The following PPP2R5C variants were observed in gnomAD, a reference collection of about 807,000 sequenced individuals.
The protein encoded by PPP2R5C is protein phosphatase 2 regulatory subunit B'gamma.
In PPP2R5C, 7 loss-of-function variants were observed where a neutral mutation model predicts 68.9. That is an observed-to-expected ratio of 0.10 (90% CI 0.06 to 0.19). PPP2R5C has a LOEUF of 0.19. PPP2R5C is among the 10% of genes least tolerant of loss of function. The probability of loss-of-function intolerance (pLI) is 1.00; values close to 1 mark genes in which losing one functional copy is unlikely to be tolerated. For synonymous variants in PPP2R5C, 210 were observed against 222.2 expected, an observed-to-expected ratio of 0.95 and a Z score of 0.49; for missense variants, 348 against 641.3, an observed-to-expected ratio of 0.54 and a Z score of 4.94.
rs1287791945 is a variant in PPP2R5C, at chr14:101,912,482, AAAG to A, written c.1326+11_1326+13del. The A allele has an allele frequency of 6.2e-7, 1 of 1,600,282 alleles. No homozygotes were observed. The highest frequency in any genetic ancestry group is 1.1e-5 in the South Asian group (1 of 88,264). On this transcript the variant is annotated intron_variant, in intron 12 of 13. Transcript: ENST00000334743. ...CCAAAGCCAATCCCCAGGTACTAAA[AAAG>A]AGAATAACATGAAAACGCCCAGGGT...
chr14:101,882,485 TGTGA>T lies in PPP2R5C; in HGVS notation c.405+217_405+220del, dbSNP rs1162187275. The T allele has an allele frequency of 4.6e-6, 2 of 434,160 alleles. No individual in the cohort carries two copies. The highest frequency in any genetic ancestry group is 8.2e-6 in the Non-Finnish European group (2 of 243,100). 26.9% of individuals were successfully genotyped at this position (434,160 alleles called of 1,614,324 possible). A position where few individuals can be genotyped will look rare whatever the true frequency, so the allele number is the denominator to read the frequency against. On this transcript the variant is annotated intron_variant, in intron 3 of 13. Transcript: ENST00000334743. This position sits in a 1 kb window ranked among gnomAD's most constrained non-coding sequence, Gnocchi z 4.9. ...ACAACAGCCAGTGAAGATGTGTAAT[TGTGA>T]GTATGTTCTCAGTGAAGATGGCCGC...
intron 3 of PPP2R5C, among the ~76,000 whole-genome samples, chr14:101,791,770 TTAGTA>T (rs2038374289): frequency 6.6e-6 from 1 of 152,176 alleles, no homozygotes. Flanking sequence ...GTATACAAGT[TTAGTA>T]TAGTATACTA....
intron 10 of PPP2R5C, among the ~76,000 whole-genome samples, chr14:101,907,444 G>A (rs1007762408): frequency 8.5e-5 from 13 of 152,048 alleles, no homozygotes; most frequent in African/African-American, 2.4e-4. Context: ...GTGCTGGGAC[G>A]ACGTGAGCCA....
chr14:101,913,119 G>A lies in PPP2R5C; in HGVS notation c.1326+646G>A, dbSNP rs748555110. Among the ~76,000 whole-genome samples, 7 of 152,236 alleles carry A rather than the reference G, an allele frequency of 4.6e-5. No individual in the cohort carries two copies. The highest frequency in any genetic ancestry group is 7.3e-5 in the Non-Finnish European group (5 of 68,048). ...TGGTGTCATGGTCTTTGGGTTTGAT[G>A]TACGCTGCTGTAAATGACTAGAGCG... On this transcript the variant is annotated intron_variant, in intron 12 of 13. Coordinates refer to ENST00000334743, the Ensembl canonical transcript of PPP2R5C. This position sits in a 1 kb window ranked among gnomAD's most constrained non-coding sequence, Gnocchi z 4.1.
At chr14:101,804,741 C>T (rs1056495365) in intron 3 of PPP2R5C, among the ~76,000 whole-genome samples, 9 of 150,522 alleles carry the variant, frequency 6.0e-5, no homozygotes, top group Non-Finnish European at 1.2e-4. Context: ...TGGGGGTTGG[C>T]GGGGGGGATG....
chr14:101,877,692 G>A lies in PPP2R5C; in HGVS notation c.295-4469G>A, dbSNP rs751434170. Among the ~76,000 whole-genome samples the A allele has an allele frequency of 2.6e-5, 4 of 152,174 alleles. No homozygotes were observed. Among genetic ancestry groups the A allele is most frequent in the East Asian group, 3.8e-4 (2 of 5,198 alleles). On this transcript the variant is annotated intron_variant, in intron 2 of 13. Coordinates refer to ENST00000334743, the Ensembl canonical transcript of PPP2R5C. The surrounding 1 kb of genome is among the most constrained non-coding windows in gnomAD (Gnocchi z 4.2). ...GTCAGAAACCCAAGAAGAATTTGAG[G>A]TGATAGACCGTTGGCCCTCTGTTCC... is the stretch of plus-strand genomic sequence containing the variant.
rs1316521313 is a variant in PPP2R5C at position 101,825,244 on chromosome 14, GTGTGTT to G, written c.94+15209_94+15214del. ...TGTGTGTGTGTGTGTGTGTGTGTGT[GTGTGTT>G]GATGAATTTATTACTTATTAAAAAA... On this transcript the variant is annotated intron_variant, in intron 1 of 13. Transcript: ENST00000334743. The surrounding 1 kb of genome is among the most constrained non-coding windows in gnomAD (Gnocchi z 4.0). Among the ~76,000 whole-genome samples the G allele has an allele frequency of 1.3e-5, 2 of 151,194 alleles. No individual in the cohort carries two copies. Among genetic ancestry groups the G allele is most frequent in the East Asian group, 1.9e-4 (1 of 5,132 alleles).
chr14:101,919,994 C>CAAAAAAAAAAAAAAAAA (rs2046928361), intron 13 of PPP2R5C, among the ~76,000 whole-genome samples: 4 of 111,284 alleles, frequency 3.6e-5, no homozygotes, highest in African/African-American at 2.0e-4. Flanking sequence ...AAAAAAAAAC[C>CAAAAAAAAAAAAAAAAA]AATTCTTACA....
intron 1 of PPP2R5C, among the ~76,000 whole-genome samples, chr14:101,837,058 T>C (rs1406400118): frequency 6.6e-6 from 1 of 152,220 alleles, no homozygotes; most frequent in Admixed American, 6.5e-5. Flanking sequence ...ACATAAGTTG[T>C]TATTACTGTG....
At chr14:101,864,386 T>C (rs564033923) in intron 2 of PPP2R5C, among the ~76,000 whole-genome samples, 4 of 152,052 alleles carry the variant, frequency 2.6e-5, no homozygotes, top group Non-Finnish European at 5.9e-5. Context: ...GAAATGTGTA[T>C]TGCAGACACC....
intron 1 of PPP2R5C, among the ~76,000 whole-genome samples, chr14:101,837,166 G>A (rs1482801611): frequency 6.6e-6 from 1 of 152,104 alleles, no homozygotes; most frequent in Non-Finnish European, 1.5e-5. Context: ...TTTTTGAGAC[G>A]GAGTTTCACT....
At chr14:101,816,879 TA>T (rs2039713984) in intron 1 of PPP2R5C, among the ~76,000 whole-genome samples, 1 of 136,356 alleles carries the variant, frequency 7.3e-6, no homozygotes, top group Non-Finnish European at 1.5e-5. Flanking sequence ...TTTATATATA[TA>T]TTATATATAT....
rs1293438197 is a variant in PPP2R5C at position 101,797,685 on chromosome 14, C to A, written c.259+11502C>A. The A allele has an allele frequency of 6.1e-5, 11 of 179,672 alleles. No homozygotes were observed. Among genetic ancestry groups the A allele is most frequent in the Non-Finnish European group, 1.2e-4 (10 of 84,634 alleles). 11.1% of individuals were successfully genotyped at this position (179,672 alleles called of 1,614,324 possible). Reference sequence around the variant, plus strand: ...CAAGTTGGCAAGTTAAAAAAAAAAACAATCAGCATGAAAGCACTCCGATGT... The same window carrying A: ...CAAGTTGGCAAGTTAAAAAAAAAAAAAATCAGCATGAAAGCACTCCGATGT... On this transcript the variant is annotated intron_variant, in intron 3 of 14. Transcript: ENST00000328724. The surrounding 1 kb of genome is among the most constrained non-coding windows in gnomAD (Gnocchi z 4.2).
intron 2 of PPP2R5C, among the ~76,000 whole-genome samples, chr14:101,764,413 C>T (rs1055649673): frequency 3.9e-5 from 6 of 152,214 alleles, no homozygotes; most frequent in African/African-American, 1.2e-4. Context: ...AGACTTCTTC[C>T]TGTAAGCCAA....
chr14:101,895,251 A>G (rs1321565844), intron 8 of PPP2R5C, among the ~76,000 whole-genome samples: 2 of 152,160 alleles, frequency 1.3e-5, no homozygotes, highest in Non-Finnish European at 2.9e-5. Flanking sequence ...CACACAATTC[A>G]CCCATTTAAA....
chr14:101,805,832 T>C (rs2039052922), upstream of PPP2R5C, among the ~76,000 whole-genome samples: 2 of 152,240 alleles, frequency 1.3e-5, no homozygotes, highest in Non-Finnish European at 2.9e-5. Context: ...GATCTCCTTA[T>C]GTGAAGTACC....
intron 12 of PPP2R5C, chr14:101,914,052 A>G (rs139484750): frequency 2.6e-5 from 11 of 417,450 alleles, no homozygotes; most frequent in Middle Eastern, 3.7e-4. Context: ...TACGTAACCA[A>G]TGTTTCTTCT....
chr14:101,867,955 G>A (rs923243924), intron 2 of PPP2R5C, among the ~76,000 whole-genome samples: 21 of 152,188 alleles, frequency 1.4e-4, no homozygotes, highest in Non-Finnish European at 2.6e-4. Context: ...GGGCATGAGA[G>A]TGTTCTTAGG....
intron 13 of PPP2R5C, chr14:101,921,208 C>A: frequency 4.0e-6 from 1 of 249,452 alleles, no homozygotes; most frequent in Non-Finnish European, 8.3e-6. Context: ...GCAGTGACTA[C>A]CGGCACCACC....
Sources: gnomAD v4.1 joint callset for allele counts (sites outside exome capture counted in the v4.1 genomes callset) on GRCh38, gnomAD v4.1.1 for gene constraint, Gnocchi (gnomAD v3.1) non-coding constraint, MANE v1.5 for transcripts, NCBI Gene and HGNC (gene_info 2026-07-23, HGNC 2026-07-21) for gene names.